Variants in IQCJ observed in about 807,000 individuals in gnomAD.
The protein encoded by IQCJ is IQ motif containing J.
A neutral mutation model predicts 11.0 loss-of-function variants in IQCJ; 9 were observed. That is an observed-to-expected ratio of 0.82 (90% CI 0.49 to 1.43). The LOEUF is 1.43. Among genes scored for constraint, IQCJ ranks in the 40% most tolerant of loss-of-function variants. The pLI is 0.00. For synonymous variants in IQCJ, 55 were observed against 51.3 expected (o/e 1.07, Z -0.31); for missense variants, 146 against 133.2 (o/e 1.10, Z -0.47).
At chr3:159,085,483 G>A (rs991300405) in intron 1 of IQCJ, among the ~76,000 whole-genome samples, 29 of 151,468 alleles carry the variant, frequency 1.9e-4, no homozygotes, top group East Asian at 5.8e-4. Flanking sequence ...GATCCCTGAG[G>A]AATCGCCACA....
intron 3 of IQCJ, among the ~76,000 whole-genome samples, chr3:159,253,610 A>AAC (rs5853857): frequency 0.054 from 8,096 of 149,706 alleles, 698 homozygotes; most frequent in African/African-American, 0.18. Flanking sequence ...CTCCCTCACA[A>AAC]ACACACACAC....
intron 1 of IQCJ, among the ~76,000 whole-genome samples, chr3:159,092,166 C>T (rs1330859702): frequency 6.6e-6 from 1 of 151,746 alleles, no homozygotes; most frequent in Non-Finnish European, 1.5e-5. Flanking sequence ...TGATGAGTTG[C>T]AGTAAGATGA....
intron 1 of IQCJ, among the ~76,000 whole-genome samples, chr3:159,224,068 TAAA>T (rs201823582): frequency 7.5e-6 from 1 of 134,164 alleles, no homozygotes; most frequent in African/African-American, 2.7e-5. Context: ...CATTTCCCAC[TAAA>T]AAAAAAAAAA....
At chr3:159,148,077 C>A (rs1489317778) in intron 1 of IQCJ, among the ~76,000 whole-genome samples, 3 of 152,234 alleles carry the variant, frequency 2.0e-5, no homozygotes, top group African/African-American at 7.2e-5. Flanking sequence ...TTAGTATGTC[C>A]ATTGTTGAAC....
At chr3:159,262,453 A>T in intron 3 of IQCJ, 95 bp from the exon 4 acceptor site, 1 of 1,516,796 alleles carries the variant, frequency 6.6e-7, no homozygotes. Context: ...ACCAAAGCCA[A>T]TTCCTTCAGA....
At chr3:159,138,189 G>A (rs1268278656) in intron 1 of IQCJ, among the ~76,000 whole-genome samples, 1 of 152,194 alleles carries the variant, frequency 6.6e-6, no homozygotes, top group East Asian at 1.9e-4. Context: ...AAGACTGACA[G>A]TCTGGTTTTT....
chr3:159,150,193 T>C (rs1721129491), intron 1 of IQCJ, among the ~76,000 whole-genome samples: 1 of 152,124 alleles, frequency 6.6e-6, no homozygotes, highest in Non-Finnish European at 1.5e-5. Context: ...TGGAAAGTGA[T>C]TCCAGGAAAT....
At position 159,182,161 on chromosome 3, in the gene IQCJ, C is replaced by T. The variant is rs140117922; in HGVS notation, c.10-63682C>T. Among the ~76,000 whole-genome samples, 520 of 151,890 alleles carry T rather than the reference C, an allele frequency of 3.4e-3. 5 individuals carry two copies. The highest frequency in any genetic ancestry group is 0.02 in the Middle Eastern group (6 of 294). ...TTTTAAAAATATTCTCTCCCTACTT[C>T]TTGGCTTGGCTATTCCTACTAATTC... is the stretch of plus-strand genomic sequence containing the variant. On this transcript the variant is annotated intron_variant, in intron 1 of 3. Transcript: ENST00000397832.
intron 1 of IQCJ, among the ~76,000 whole-genome samples, chr3:159,139,748 C>T (rs573365481): frequency 2.1e-4 from 32 of 152,260 alleles, no homozygotes; most frequent in African/African-American, 7.5e-4. Context: ...TTTGAAGCAC[C>T]GGGCAAGGAG....
intron 1 of IQCJ, among the ~76,000 whole-genome samples, chr3:159,178,385 A>G (rs1722902979): frequency 1.3e-5 from 2 of 152,168 alleles, no homozygotes; most frequent in Non-Finnish European, 2.9e-5. Context: ...TTACCCAGTA[A>G]TGAAACCACT....
At chr3:159,223,472 G>A (rs1421503203) in intron 1 of IQCJ, among the ~76,000 whole-genome samples, 1 of 152,058 alleles carries the variant, frequency 6.6e-6, no homozygotes, top group Admixed American at 6.6e-5. Flanking sequence ...CATAATTGCA[G>A]AATGAATAAG....
chr3:159,241,804 C>T (rs1482277901), intron 1 of IQCJ, among the ~76,000 whole-genome samples: 1 of 152,222 alleles, frequency 6.6e-6, no homozygotes, highest in Non-Finnish European at 1.5e-5. Context: ...AAAAAACCTA[C>T]TTCCATGGTG....
chr3:159,196,953 T>C (rs975961296), intron 1 of IQCJ, among the ~76,000 whole-genome samples: 1 of 152,080 alleles, frequency 6.6e-6, no homozygotes, highest in Non-Finnish European at 1.5e-5. Flanking sequence ...TTCCCTTATC[T>C]CCAGCCTTCT....
At position 159,194,059 on chromosome 3, in the gene IQCJ, A is replaced by G. The variant is rs567899162; in HGVS notation, c.10-51784A>G. Among the ~76,000 whole-genome samples, 4 of 152,334 alleles carry G rather than the reference A, an allele frequency of 2.6e-5. No homozygotes were observed. In the East Asian group the frequency reaches 7.7e-4, roughly 29 times the overall value. ...TATGGTTACTTGAGTAAATGGTCATAGGTCTTTTGGGGGAAGAACTGAGGA... is the reference window on the plus strand; with the variant it reads ...TATGGTTACTTGAGTAAATGGTCATGGGTCTTTTGGGGGAAGAACTGAGGA... On this transcript the variant is annotated intron_variant, in intron 1 of 3. Transcript: ENST00000397832.
At chr3:159,086,910 T>A (rs1426941550) in intron 1 of IQCJ, among the ~76,000 whole-genome samples, 4 of 152,124 alleles carry the variant, frequency 2.6e-5, no homozygotes, top group Non-Finnish European at 5.9e-5. Context: ...ACCCTTTATT[T>A]CCTTCTCCTG....
intron 3 of IQCJ, 131 bp from the exon 4 acceptor site, chr3:159,262,417 A>G: frequency 7.2e-7 from 1 of 1,384,322 alleles, no homozygotes; most frequent in South Asian, 1.5e-5. Context: ...ACTACATCAC[A>G]TTCTGTATGT....
At chr3:159,142,721 G>C (rs1264723634) in intron 1 of IQCJ, among the ~76,000 whole-genome samples, 2 of 152,152 alleles carry the variant, frequency 1.3e-5, no homozygotes, top group Admixed American at 1.3e-4. Context: ...CCCAGCCCGG[G>C]GGCAGGTCTT....
intron 1 of IQCJ, among the ~76,000 whole-genome samples, chr3:159,209,703 C>A (rs1463783252): frequency 6.6e-6 from 1 of 152,158 alleles, no homozygotes; most frequent in Admixed American, 6.5e-5. Flanking sequence ...CACCCACTCA[C>A]CTGCATGCTC....
chr3:159,233,208 G>T (rs1726368464), intron 1 of IQCJ, among the ~76,000 whole-genome samples: 2 of 152,182 alleles, frequency 1.3e-5, no homozygotes, highest in South Asian at 4.2e-4. Flanking sequence ...AATTAAGTCG[G>T]TTGGGGATGG....
Sources: gnomAD v4.1 joint callset for allele counts (sites outside exome capture counted in the v4.1 genomes callset) on GRCh38, gnomAD v4.1.1 for gene constraint, MANE v1.5 for transcripts, NCBI Gene and HGNC (gene_info 2026-07-23, HGNC 2026-07-21) for gene names.